Variants in HMCN2 observed in about 807,000 individuals in gnomAD.
The protein encoded by HMCN2 is hemicentin 2, also known as hemicentin-2.
Under a neutral mutation model 377.5 loss-of-function variants are expected in HMCN2, and 325 were observed. The ratio of observed to expected loss-of-function variants is 0.86; its 90% confidence interval spans 0.79 to 0.94. HMCN2 has a LOEUF of 0.94. Ranked by LOEUF, HMCN2 falls within the 40% of genes least tolerant of loss-of-function variation. The pLI, the probability that HMCN2 is intolerant of heterozygous loss-of-function variation, is 0.00. For synonymous variants in HMCN2, 2,007 were observed against 2,046.8 expected, an observed-to-expected ratio of 0.98 and a Z score of 0.53; for missense variants, 4,543 against 4,725.3, an observed-to-expected ratio of 0.96 and a Z score of 1.13.
chr9:130,345,570 GTGTGTGGTA>G (rs1839348940), intron 25 of HMCN2, among the ~76,000 whole-genome samples: 3 of 149,504 alleles, frequency 2.0e-5, no homozygotes. Flanking sequence ...GTGTATGTTT[GTGTGTGGTA>G]TGTGTGTATG....
rs766771569 is a variant in HMCN2, at chr9:130,418,912, C to T, written c.13102C>T (p.Arg4368Trp). The T allele has an allele frequency of 1.1e-4, 176 of 1,548,456 alleles. No homozygotes were observed. Among genetic ancestry groups the T allele is most frequent in the Admixed American group, 2.2e-4 (11 of 50,790 alleles). The change falls in exon 86 of 98, where the codon CGG (arginine) becomes TGG (tryptophan). Residue 4368 changes from arginine to tryptophan, a missense_variant. Coordinates refer to ENST00000683500, the MANE Select transcript of HMCN2 (RefSeq NM_001291815.2). ...GGGTCAACCCTTGCGGGCCAGCCGG[C>T]GGCTCCGGACCCTGCCCGATGGGAG... Reference protein sequence around the residue: ...QAGQPLRASRRLRTLPDGSLW... With the variant: ...QAGQPLRASRWLRTLPDGSLW...
At chr9:130,402,259 G>A (rs1050987002) in intron 77 of HMCN2, among the ~76,000 whole-genome samples, 5 of 152,216 alleles carry the variant, frequency 3.3e-5, no homozygotes, top group African/African-American at 9.6e-5. Flanking sequence ...AGGGGCCCAC[G>A]GAGCACAATT....
At chr9:130,322,738 G>T (rs1255815935) in intron 19 of HMCN2, among the ~76,000 whole-genome samples, 1 of 152,146 alleles carries the variant, frequency 6.6e-6, no homozygotes, top group Non-Finnish European at 1.5e-5. Context: ...TACGTTTTTG[G>T]AATTTTTAGT....
chr9:130,407,963 AT>A (rs1440320678), intron 83 of HMCN2, among the ~76,000 whole-genome samples: 1 of 152,202 alleles, frequency 6.6e-6, no homozygotes, highest in Non-Finnish European at 1.5e-5. Context: ...TGCAGGTAGA[AT>A]TGGAATCTGA....
intron 1 of HMCN2, among the ~76,000 whole-genome samples, chr9:130,280,185 G>A (rs1282691815): frequency 1.4e-5 from 2 of 144,336 alleles, no homozygotes; most frequent in Non-Finnish European, 3.0e-5. Context: ...TTTTTGAGAC[G>A]GAGTCTTGCT....
At chr9:130,306,319 G>T (rs1554936751) in intron 12 of HMCN2, 49 bp downstream of exon 12, 2 of 466,150 alleles carry the variant, frequency 4.3e-6, no homozygotes, top group Admixed American at 2.4e-5. Flanking sequence ...AGGTGGACAG[G>T]ACTCCCAGGG....
intron 79 of HMCN2, 60 bp from the exon 80 acceptor site, chr9:130,403,681 C>T: frequency 7.9e-7 from 1 of 1,269,150 alleles, no homozygotes; most frequent in East Asian, 5.6e-5. Context: ...CCCAATCTGC[C>T]CACCTCGGGG....
chr9:130,339,048 T>C (rs894090237), intron 23 of HMCN2, among the ~76,000 whole-genome samples: 42,948 of 151,592 alleles, frequency 0.28, 6,900 homozygotes, highest in African/African-American at 0.45. Flanking sequence ...ATTAACCACT[T>C]GCAATGGTCC....
intron 15 of HMCN2, among the ~76,000 whole-genome samples, chr9:130,315,988 G>T (rs1003115586): frequency 6.6e-6 from 1 of 152,076 alleles, no homozygotes; most frequent in East Asian, 1.9e-4. Flanking sequence ...ATGGGTTTGT[G>T]GGGGACACAG....
intron 1 of HMCN2, among the ~76,000 whole-genome samples, chr9:130,268,177 T>A (rs1005488261): frequency 6.6e-6 from 1 of 152,192 alleles, no homozygotes; most frequent in Non-Finnish European, 1.5e-5. Context: ...TTCCTGAGAC[T>A]GTCCTCGCTG....
In HMCN2 at chr9:130,360,874, TATCC is replaced by T. The variant is rs749853033; in HGVS notation, c.5950+290_5950+293del. 4.0e-5 allele frequency among the ~76,000 whole-genome samples: 6 copies of T among 150,194 alleles called. No homozygotes were observed. The highest frequency in any genetic ancestry group is 2.0e-4 in the East Asian group (1 of 5,036). ...CCACCCATCCATCCATCAACTCATC[TATCC>T]ATCCATCCATCCATCCATCTCTCAT... On this transcript the variant is annotated intron_variant, in intron 38 of 97. Coordinates refer to ENST00000683500, the MANE Select transcript of HMCN2 (RefSeq NM_001291815.2). The surrounding 1 kb of genome is among the most constrained non-coding windows in gnomAD (Gnocchi z 4.7).
intron 47 of HMCN2, 131 bp downstream of exon 47, chr9:130,372,538 C>A: frequency 5.7e-6 from 1 of 176,750 alleles, no homozygotes; most frequent in Non-Finnish European, 1.1e-5. Flanking sequence ...GAGGGAGAAG[C>A]TAAGCCCTGT....
At chr9:130,309,639 CG>C (rs113125285) in intron 14 of HMCN2, among the ~76,000 whole-genome samples, 3,733 of 150,940 alleles carry the variant, frequency 0.025, 151 homozygotes, top group African/African-American at 0.086. Flanking sequence ...TGGACACCAG[CG>C]GGGGGGGTCC....
rs1429910423 is a variant in HMCN2, at chr9:130,424,837, G to C, written c.13443G>C (p.Glu4481Asp). Residue 4481 changes from glutamate to aspartate, a missense_variant, in exon 88 of 98, where the codon GAG becomes GAC. Coordinates refer to ENST00000683500, the MANE Select transcript of HMCN2 (RefSeq NM_001291815.2). ...CCATCTACTGGGCCCTGGCCAGAGA[G>C]AGTGGGGAAGCCCTGAATGGCCACT... The part of the protein sequence containing the change: ...IAPIYWALAR[E>D]SGEALNGHSL... The C allele has an allele frequency of 6.6e-7, 1 of 1,510,524 alleles. No homozygotes were observed. Among genetic ancestry groups the C allele is most frequent in the Non-Finnish European group, 8.9e-7 (1 of 1,124,962 alleles). The allele number at this position is 1,510,524 out of a possible 1,614,324, so 93.6% of individuals were successfully genotyped here.
intron 22 of HMCN2, among the ~76,000 whole-genome samples, chr9:130,328,124 C>G (rs991181064): frequency 3.2e-4 from 48 of 152,326 alleles, no homozygotes; most frequent in Admixed American, 1.8e-3. Context: ...CTCGGAGCAG[C>G]CTGCCCTGTA....
chr9:130,430,451 G>T lies in HMCN2; in HGVS notation c.14494G>T (p.Gly4832Cys). 2 of 1,550,624 alleles carry T rather than the reference G, an allele frequency of 1.3e-6. No homozygotes were observed. The highest frequency in any genetic ancestry group is 1.7e-6 in the Non-Finnish European group (2 of 1,146,984). Residue 4832 changes from glycine (G) to cysteine (C), a missense_variant, in exon 95 of 98, where the codon GGC (glycine) becomes TGC (cysteine). Physicochemically the swap from Gly to Cys is radical, Grantham distance 159. This residue lies in a region of HMCN2 where 1,155 missense variants were observed against 1,157.7 expected (regional missense o/e 1.00). Coordinates refer to ENST00000683500, the MANE Select transcript of HMCN2 (RefSeq NM_001291815.2). Reference protein sequence around the residue: ...GQNVTTVSHRGPLLPWLRPWA... With the variant: ...GQNVTTVSHRCPLLPWLRPWA... Reference sequence around the variant, plus strand: ...AAATGTGACCACCGTCAGCCACCGAGGCCCTCTATTGCCCTGGCTGCGGCC... The same window carrying T: ...AAATGTGACCACCGTCAGCCACCGATGCCCTCTATTGCCCTGGCTGCGGCC...
chr9:130,425,371 C>T lies in HMCN2; in HGVS notation c.13641+241C>T, dbSNP rs557751941. Among the ~76,000 whole-genome samples, 5 of 152,232 alleles carry T rather than the reference C, an allele frequency of 3.3e-5. No homozygotes were observed. In the South Asian group the frequency reaches 8.3e-4, roughly 25 times the overall value. The stretch of plus-strand genomic sequence containing the variant: ...ATCAGAGTATTCTTGTTCAAAAGCA[C>T]GAGTCCTGAAGAGAGGTGAGCTGCC... On this transcript the variant is annotated intron_variant, in intron 89 of 97. Coordinates refer to ENST00000683500, the MANE Select transcript of HMCN2 (RefSeq NM_001291815.2).
At position 130,307,527 on chromosome 9, in the gene HMCN2, G is replaced by A. The variant is rs781980560; in HGVS notation, c.2161G>A (p.Ala721Thr). 4.2e-6 allele frequency: 2 copies of A among 471,198 alleles called. No homozygotes were observed. Among genetic ancestry groups the A allele is most frequent in the East Asian group, 1.4e-4 (2 of 14,400 alleles). The allele number at this position is 471,198 out of a possible 1,614,324, so 29.2% of individuals were successfully genotyped here. Reference sequence around the variant, plus strand: ...GGAGGAGGCTGTGTTGGTGTGTGAGGCATCTGGGGTTCCCCCGCCCCGAGT... The same window carrying A: ...GGAGGAGGCTGTGTTGGTGTGTGAGACATCTGGGGTTCCCCCGCCCCGAGT... ...VGEEAVLVCE[A>T]SGVPPPRVIW... The change falls in exon 14 of 98, where the codon GCA (alanine) becomes ACA (threonine). Residue 721 changes from alanine (A) to threonine (T), a missense_variant. Coordinates refer to ENST00000683500, the MANE Select transcript of HMCN2 (RefSeq NM_001291815.2).
intron 71 of HMCN2, 84 bp from the exon 72 acceptor site, chr9:130,395,840 C>T: frequency 8.2e-7 from 1 of 1,213,100 alleles, no homozygotes; most frequent in African/African-American, 1.6e-5. Context: ...TTCACCAGTT[C>T]CTCAGTCTTC....
Sources: allele counts gnomAD v4.1 joint callset (sites outside exome capture counted in the v4.1 genomes callset), GRCh38; gene constraint gnomAD v4.1.1; regional missense constraint gnomAD v4.1.1; non-coding constraint Gnocchi (gnomAD v3.1); transcripts MANE v1.5; gene names NCBI Gene and HGNC (gene_info 2026-07-23, HGNC 2026-07-21).